The following THSD7B variants were observed in gnomAD, a reference collection of about 807,000 sequenced individuals.
The protein encoded by THSD7B is thrombospondin type 1 domain containing 7B.
In THSD7B, 138 loss-of-function variants were observed where a neutral mutation model predicts 213.6. That is an observed-to-expected ratio of 0.65 (90% CI 0.56 to 0.74). The LOEUF is 0.74. Among genes scored for constraint, THSD7B ranks in the 30% least tolerant of loss-of-function variants. The pLI is 0.00. For missense variants in THSD7B, 1,931 were observed against 1,991.5 expected (o/e 0.97, Z 0.58); for synonymous variants, 742 against 687.0 (o/e 1.08, Z -1.25).
intron 2 of THSD7B, among the ~76,000 whole-genome samples, chr2:137,037,851 A>G (rs1216912835): frequency 6.6e-6 from 1 of 152,200 alleles, no homozygotes; most frequent in Admixed American, 6.5e-5. Context: ...AATAACTTTT[A>G]TGGACATTAA....
At chr2:137,443,710 T>C (rs1423880691) in intron 14 of THSD7B, among the ~76,000 whole-genome samples, 1 of 152,192 alleles carries the variant, frequency 6.6e-6, no homozygotes, top group East Asian at 1.9e-4. Flanking sequence ...CTAGGTGATC[T>C]TGAATAGCTC....
intron 17 of THSD7B, among the ~76,000 whole-genome samples, chr2:137,608,649 T>C (rs1422818140): frequency 6.6e-6 from 1 of 152,248 alleles, no homozygotes; most frequent in Non-Finnish European, 1.5e-5. Context: ...TTTAAATGTT[T>C]CCTGTTGCTA....
At chr2:136,971,789 C>T (rs763071266) in intron 2 of THSD7B, among the ~76,000 whole-genome samples, 17 of 151,684 alleles carry the variant, frequency 1.1e-4, no homozygotes, top group Non-Finnish European at 2.5e-4. Flanking sequence ...AAAATGCCAA[C>T]TCAGTTTAAA....
At chr2:136,878,913 T>C (rs1458597352) in intron 1 of THSD7B, among the ~76,000 whole-genome samples, 1 of 152,224 alleles carries the variant, frequency 6.6e-6, no homozygotes, top group Non-Finnish European at 1.5e-5. Context: ...AGCAGCTCTT[T>C]AGTTTAATTA....
At chr2:137,069,723 T>C (rs915309941) in intron 3 of THSD7B, among the ~76,000 whole-genome samples, 5 of 151,992 alleles carry the variant, frequency 3.3e-5, no homozygotes, top group African/African-American at 1.2e-4. Context: ...TTTACATTGC[T>C]ATTCCTCCTT....
At chr2:136,825,718 A>ATTTTTTT (rs55814718) in intron 1 of THSD7B, among the ~76,000 whole-genome samples, 3 of 116,896 alleles carry the variant, frequency 2.6e-5, no homozygotes, top group African/African-American at 6.7e-5. Context: ...TGCCTGGCTA[A>ATTTTTTT]TTTTTTTTTT....
chr2:137,312,379 TA>T (rs1683938659), intron 12 of THSD7B, among the ~76,000 whole-genome samples: 1 of 150,476 alleles, frequency 6.6e-6, no homozygotes, highest in Non-Finnish European at 1.5e-5. Context: ...TTATTGTGTC[TA>T]TTTGATTCTT....
At chr2:137,014,159 T>A (rs969166241) in intron 2 of THSD7B, among the ~76,000 whole-genome samples, 1 of 152,058 alleles carries the variant, frequency 6.6e-6, no homozygotes, top group Non-Finnish European at 1.5e-5. Context: ...CAAACCAATT[T>A]CCTGTTTTCC....
At chr2:137,274,431 G>C (rs1682823220) in intron 11 of THSD7B, among the ~76,000 whole-genome samples, 1 of 152,008 alleles carries the variant, frequency 6.6e-6, no homozygotes. Flanking sequence ...AAGTAGCTAA[G>C]ACAGCATGGG....
intron 2 of THSD7B, among the ~76,000 whole-genome samples, chr2:137,035,507 T>C (rs1686758813): frequency 6.6e-6 from 1 of 152,112 alleles, no homozygotes; most frequent in African/African-American, 2.4e-5. Flanking sequence ...CATCTTACAC[T>C]TTACACTCTT....
intron 7 of THSD7B, among the ~76,000 whole-genome samples, chr2:137,205,867 A>C (rs1390030378): frequency 6.6e-6 from 1 of 151,256 alleles, no homozygotes; most frequent in African/African-American, 2.4e-5. Context: ...TGCTCTTCTA[A>C]TACATTATTT....
intron 15 of THSD7B, among the ~76,000 whole-genome samples, chr2:137,549,264 C>A (rs143994656): frequency 6.8e-6 from 1 of 147,096 alleles, no homozygotes; most frequent in African/African-American, 2.5e-5. Context: ...CTTGTAGAAC[C>A]TTTGCTGCCT....
chr2:137,212,899 A>G (rs527399739), intron 7 of THSD7B, among the ~76,000 whole-genome samples: 1 of 152,156 alleles, frequency 6.6e-6, no homozygotes, highest in African/African-American at 2.4e-5. Context: ...AAGTAGAACT[A>G]GAATACTTTC....
chr2:137,180,858 C>A (rs1318613712), intron 7 of THSD7B, among the ~76,000 whole-genome samples: 1 of 152,156 alleles, frequency 6.6e-6, no homozygotes, highest in East Asian at 1.9e-4. Flanking sequence ...TTGGTAAAGT[C>A]CAACTTGGCC....
At chr2:137,632,318 C>A (rs771728879) in intron 20 of THSD7B, among the ~76,000 whole-genome samples, 1 of 152,184 alleles carries the variant, frequency 6.6e-6, no homozygotes, top group Non-Finnish European at 1.5e-5. Context: ...TTTAAACCTT[C>A]TAAATATGTT....
At chr2:137,596,267 T>C (rs1165107855) in intron 17 of THSD7B, among the ~76,000 whole-genome samples, 1 of 152,024 alleles carries the variant, frequency 6.6e-6, no homozygotes, top group Non-Finnish European at 1.5e-5. Flanking sequence ...ATTAACTAAC[T>C]GTAAGAATTC....
At chr2:137,338,030 T>C (rs1335843455) in intron 12 of THSD7B, among the ~76,000 whole-genome samples, 1 of 152,092 alleles carries the variant, frequency 6.6e-6, no homozygotes, top group Non-Finnish European at 1.5e-5. Context: ...TGTATTTTCA[T>C]TCTTAATGCT....
At chr2:137,091,950 C>A (rs1026894328) in intron 3 of THSD7B, among the ~76,000 whole-genome samples, 1 of 152,126 alleles carries the variant, frequency 6.6e-6, no homozygotes, top group East Asian at 1.9e-4. Flanking sequence ...CTCTGCTTTA[C>A]TTGGCAACAG....
intron 12 of THSD7B, among the ~76,000 whole-genome samples, chr2:137,363,327 C>T (rs1297385692): frequency 6.6e-6 from 1 of 152,056 alleles, no homozygotes; most frequent in Non-Finnish European, 1.5e-5. Flanking sequence ...ATAAAAAGAA[C>T]TAGAGAAGCA....
Sources: gnomAD v4.1 joint callset for allele counts (sites outside exome capture counted in the v4.1 genomes callset) on GRCh38, gnomAD v4.1.1 for gene constraint, MANE v1.5 for transcripts, NCBI Gene and HGNC (gene_info 2026-07-23, HGNC 2026-07-21) for gene names.